Variants in CGAS observed in about 807,000 individuals in gnomAD.
CGAS encodes the protein cyclic GMP-AMP synthase.
A neutral mutation model predicts 34.0 loss-of-function variants in CGAS; 31 were observed. That is an observed-to-expected ratio of 0.91 (90% confidence interval 0.69 to 1.23). CGAS has a LOEUF of 1.23. Ranked by LOEUF, CGAS falls within the 50% of genes most tolerant of loss-of-function variation. The pLI, the probability that CGAS is intolerant of heterozygous loss-of-function variation, is 0.00. For missense variants in CGAS, 597 were observed against 657.6 expected (o/e 0.91, Z 1.01); for synonymous variants, 266 against 260.0 (o/e 1.02, Z -0.22).
chr6:73,425,592 A>C lies in CGAS; in HGVS notation c.1218-14T>G. The C allele has an allele frequency of 6.6e-7, 1 of 1,507,786 alleles. No individual in the cohort carries two copies. Among genetic ancestry groups the C allele is most frequent in the Non-Finnish European group, 9.0e-7 (1 of 1,110,174 alleles). The allele number at this position is 1,507,786 out of a possible 1,614,324, so 93.4% of individuals were successfully genotyped here. Reference sequence around the variant, plus strand: ...AAACAATCTTTCCTGTTGAATAAAAAAGGAAAACACTTATTTTTACTTATT... The same window carrying C: ...AAACAATCTTTCCTGTTGAATAAAACAGGAAAACACTTATTTTTACTTATT... On this transcript the variant is annotated splice_polypyrimidine_tract_variant and intron_variant, in intron 4 of 4. Transcript: ENST00000370315.
At chr6:73,427,857 G>A (rs1291459306) in intron 4 of CGAS, among the ~76,000 whole-genome samples, 1 of 152,034 alleles carries the variant, frequency 6.6e-6, no homozygotes, top group Non-Finnish European at 1.5e-5. Flanking sequence ...ATGTCACCCA[G>A]GTTGCAGTGC....
At chr6:73,433,053 C>T (rs937112907) in intron 3 of CGAS, among the ~76,000 whole-genome samples, 7 of 152,044 alleles carry the variant, frequency 4.6e-5, no homozygotes, top group African/African-American at 1.4e-4. Flanking sequence ...CACTGCACTC[C>T]AGCCTGGGTG....
At chr6:73,429,599 G>A (rs561269999) in intron 3 of CGAS, among the ~76,000 whole-genome samples, 65 of 152,086 alleles carry the variant, frequency 4.3e-4, no homozygotes, top group Middle Eastern at 3.4e-3. Flanking sequence ...GGCCAAGGTG[G>A]GCGGATCACA....
Position 73,451,840 on chromosome 6 carries a change from A to C in CGAS, c.342T>G (p.Ala114=). 6.4e-7 allele frequency: 1 copy of C among 1,551,398 alleles called. No individual in the cohort carries two copies. The highest frequency in any genetic ancestry group is 8.7e-7 in the Non-Finnish European group (1 of 1,148,086). ...GLEPPAAREP[A]LSRAGSCRQR... ...GGCGGCAAGAACCAGCCCTGGAAAG[A>C]GCCGGCTCCCGAGCCGCAGGAGGCT... is the stretch of plus-strand genomic sequence containing the variant. Residue 114 remains alanine (A), a synonymous_variant, in exon 1 of 5, where the codon GCT becomes GCG. Transcript: ENST00000370315.
intron 2 of CGAS, among the ~76,000 whole-genome samples, chr6:73,443,649 A>G (rs1452513017): frequency 6.6e-6 from 1 of 152,162 alleles, no homozygotes; most frequent in East Asian, 1.9e-4. Flanking sequence ...ATACTTCTTC[A>G]CAACAGCACT....
At chr6:73,450,039 AAGAG>A (rs35518684) in intron 1 of CGAS, among the ~76,000 whole-genome samples, 2,478 of 148,342 alleles carry the variant, frequency 0.017, 70 homozygotes, top group African/African-American at 0.055. Context: ...GAACAAAATA[AAGAG>A]AGAGAGAGAG....
At chr6:73,439,970 A>T in intron 3 of CGAS, 1 of 448,370 alleles carries the variant, frequency 2.2e-6, no homozygotes, top group South Asian at 3.0e-5. Context: ...TTACCGAAAA[A>T]AATAAAATAA....
intron 3 of CGAS, among the ~76,000 whole-genome samples, chr6:73,429,450 A>G (rs1770146366): frequency 6.6e-6 from 1 of 152,134 alleles, no homozygotes; most frequent in Non-Finnish European, 1.5e-5. Context: ...CTTTTTCTGT[A>G]CCATCCTTAC....
chr6:73,437,834 G>A (rs1770304588), intron 3 of CGAS, among the ~76,000 whole-genome samples: 1 of 152,052 alleles, frequency 6.6e-6, no homozygotes, highest in Non-Finnish European at 1.5e-5. Flanking sequence ...TTGGGAGATG[G>A]AGATGGGTGG....
At chr6:73,430,597 C>T (rs1046615518) in intron 3 of CGAS, among the ~76,000 whole-genome samples, 4 of 151,396 alleles carry the variant, frequency 2.6e-5, no homozygotes, top group South Asian at 2.1e-4. Context: ...GTCGAGATCA[C>T]GCCACTGCAC....
chr6:73,430,381 A>G (rs1770174895), intron 3 of CGAS, among the ~76,000 whole-genome samples: 1 of 152,186 alleles, frequency 6.6e-6, no homozygotes, highest in Non-Finnish European at 1.5e-5. Flanking sequence ...CTGTAATCCC[A>G]GCACTTCAGG....
At chr6:73,425,897 C>A (rs999137170) in intron 4 of CGAS, among the ~76,000 whole-genome samples, 1 of 152,132 alleles carries the variant, frequency 6.6e-6, no homozygotes, top group African/African-American at 2.4e-5. Context: ...TCGCTTGAAG[C>A]CAGGAGGCGG....
At chr6:73,449,300 C>T (rs1770521870) in intron 1 of CGAS, among the ~76,000 whole-genome samples, 1 of 151,892 alleles carries the variant, frequency 6.6e-6, no homozygotes, top group Non-Finnish European at 1.5e-5. Context: ...CACGGTGAAA[C>T]CCCGTCTCTA....
chr6:73,426,775 CTAGT>C (rs1770096385), intron 4 of CGAS, among the ~76,000 whole-genome samples: 1 of 151,884 alleles, frequency 6.6e-6, no homozygotes, highest in African/African-American at 2.4e-5. Context: ...GCCATCTCAT[CTAGT>C]TATTTAGTAG....
chr6:73,440,450 T>C lies in CGAS; in HGVS notation c.878-5A>G. On this transcript the variant is annotated splice_polypyrimidine_tract_variant and splice_region_variant and intron_variant, in intron 2 of 4. Coordinates refer to ENST00000370315, the MANE Select transcript of CGAS (RefSeq NM_138441.3). Reference sequence around the variant, plus strand: ...TCTTCATGATGACATCTGTATCTGGTTGAACATATAAAAGAAAAGAAAGTA... The same window carrying C: ...TCTTCATGATGACATCTGTATCTGGCTGAACATATAAAAGAAAAGAAAGTA... The C allele has an allele frequency of 6.3e-7, 1 of 1,590,706 alleles. No homozygotes were observed. The highest frequency in any genetic ancestry group is 8.6e-7 in the Non-Finnish European group (1 of 1,168,072).
intron 1 of CGAS, among the ~76,000 whole-genome samples, chr6:73,448,908 GCTGAAACCTTATCTCTA>G (rs1770512068): frequency 6.6e-6 from 1 of 151,894 alleles, no homozygotes; most frequent in Non-Finnish European, 1.5e-5. Context: ...TGGCCAACAT[GCTGAAACCTTATCTCTA>G]CTAAAAATAC....
intron 3 of CGAS, among the ~76,000 whole-genome samples, chr6:73,429,082 C>T (rs542801119): frequency 7.9e-5 from 12 of 151,088 alleles, no homozygotes; most frequent in African/African-American, 2.2e-4. Context: ...CCCAGCTACT[C>T]GGGAGGCTGA....
chr6:73,451,490 A>T (rs1328851442), intron 1 of CGAS, 35 bp downstream of exon 1: 1 of 1,517,544 alleles, frequency 6.6e-7, no homozygotes, highest in African/African-American at 1.4e-5. Context: ...AAGGCCGAGC[A>T]GCGGGGCTCG....
chr6:73,449,503 ACACAC>A (rs1770526534), intron 1 of CGAS, among the ~76,000 whole-genome samples: 1 of 151,660 alleles, frequency 6.6e-6, no homozygotes, highest in Non-Finnish European at 1.5e-5. Flanking sequence ...ACACACACAC[ACACAC>A]AAAGTGGTTC....
Sources: gnomAD v4.1 joint callset for allele counts (sites outside exome capture counted in the v4.1 genomes callset) on GRCh38, gnomAD v4.1.1 for gene constraint, MANE v1.5 for transcripts, NCBI Gene and HGNC (gene_info 2026-07-23, HGNC 2026-07-21) for gene names.